The following KLRF1 variants were observed in gnomAD, a reference collection of about 807,000 sequenced individuals.
KLRF1 encodes the protein killer cell lectin like receptor F1.
In KLRF1, 27 loss-of-function variants were observed where a neutral mutation model predicts 30.7. That is an observed-to-expected ratio of 0.88 (90% confidence interval 0.65 to 1.21). The LOEUF is 1.21. KLRF1 is among the 50% of genes most tolerant of loss of function. KLRF1 has a pLI of 0.00. For synonymous variants in KLRF1, 92 were observed against 89.3 expected, an observed-to-expected ratio of 1.03 and a Z score of -0.17; for missense variants, 246 against 259.3, an observed-to-expected ratio of 0.95 and a Z score of 0.35.
chr12:9,820,981 C>G, the KLRF1 span, among the ~76,000 whole-genome samples: 11 of 152,134 alleles, frequency 7.2e-5, no homozygotes. Flanking sequence ...GCTGACCATA[C>G]CCACTGGTAG....
chr12:9,810,521 CCAAA>C, the KLRF1 span, among the ~76,000 whole-genome samples: 2 of 152,162 alleles, frequency 1.3e-5, no homozygotes, highest in Admixed American at 1.3e-4. Flanking sequence ...AATAGACTCC[CCAAA>C]CAGTGTCTGA....
rs1208809788 is a variant in KLRF1, at chr12:9,842,306, T to C, written c.475-15T>C. Reference sequence around the variant, plus strand: ...TAAAATATTTTGTTCATTTAGTCCCTCGTCCACATTTTAGGCTTTTATACA... The same window carrying C: ...TAAAATATTTTGTTCATTTAGTCCCCCGTCCACATTTTAGGCTTTTATACA... On this transcript the variant is annotated splice_polypyrimidine_tract_variant and intron_variant, in intron 4 of 5. Transcript: ENST00000617889. 5 of 1,609,026 alleles carry C rather than the reference T, an allele frequency of 3.1e-6. No individual in the cohort carries two copies. The highest frequency in any genetic ancestry group is 2.7e-5 in the African/African-American group (2 of 74,726).
chr12:9,809,845 T>G, the KLRF1 span, among the ~76,000 whole-genome samples: 1 of 152,192 alleles, frequency 6.6e-6, no homozygotes, highest in Non-Finnish European at 1.5e-5. Flanking sequence ...TTATTTGATG[T>G]AAAACTACTG....
At chr12:9,810,758 G>A in the KLRF1 span, among the ~76,000 whole-genome samples, 1 of 152,198 alleles carries the variant, frequency 6.6e-6, no homozygotes, top group Admixed American at 6.5e-5. Context: ...GAGTTTATGA[G>A]TGTTCAGAGA....
At chr12:9,830,871 A>C (rs1049673802) in intron 1 of KLRF1, among the ~76,000 whole-genome samples, 2 of 152,012 alleles carry the variant, frequency 1.3e-5, no homozygotes, top group African/African-American at 2.4e-5. Flanking sequence ...TTATAAGTTA[A>C]ATTAAACCAT....
chr12:9,832,124 G>A (rs1411686721), intron 1 of KLRF1, among the ~76,000 whole-genome samples, 192 bp from the exon 2 acceptor site: 2 of 152,102 alleles, frequency 1.3e-5, no homozygotes, highest in Non-Finnish European at 2.9e-5. Context: ...CATAGCTTCT[G>A]ACCATCCAGA....
At chr12:9,809,486 T>C in the KLRF1 span, among the ~76,000 whole-genome samples, 1 of 152,144 alleles carries the variant, frequency 6.6e-6, no homozygotes, top group Non-Finnish European at 1.5e-5. Flanking sequence ...GTAACTTAAG[T>C]ATTATTTCCA....
chr12:9,827,766 CCT>C, intron 1 of KLRF1, 137 bp downstream of exon 1: 2 of 485,352 alleles, frequency 4.1e-6, no homozygotes, highest in Non-Finnish European at 7.3e-6. Context: ...TCTCACCTGT[CCT>C]CTCTTTCAAT....
chr12:9,827,353 A>G, upstream of KLRF1: 1 of 360,814 alleles, frequency 2.8e-6, no homozygotes, highest in Non-Finnish European at 5.0e-6. Context: ...TGGGAAAGCA[A>G]CTTTTAAAAA....
chr12:9,807,642 T>C, the KLRF1 span, among the ~76,000 whole-genome samples: 1 of 152,270 alleles, frequency 6.6e-6, no homozygotes, highest in South Asian at 2.1e-4. Flanking sequence ...CTAATATTTG[T>C]TTATTCCTGT....
At chr12:9,811,319 C>CAAAAAAAA in the KLRF1 span, among the ~76,000 whole-genome samples, 3,439 of 59,088 alleles carry the variant, frequency 0.058, 173 homozygotes, top group African/African-American at 0.1. Flanking sequence ...AGAAGTAGTC[C>CAAAAAAAA]AAAAAAAAAA....
At position 9,833,440 on chromosome 12, in the gene KLRF1, G is replaced by A. The variant is rs1175854055; in HGVS notation, c.322G>A (p.Ala108Thr). Residue 108 changes from alanine to threonine, a missense_variant, in exon 3 of 6, where the codon GCA becomes ACA. By Grantham distance (58) the Ala-to-Thr change is moderately conservative. Coordinates refer to ENST00000617889, the MANE Select transcript of KLRF1 (RefSeq NM_016523.3). ...SNKDLCASRS[A>T]DQTVLCQSEW... ...TAAGGACCTTTGTGCTTCGAGATCT[G>A]CAGACCAGACAGGTATGTCTCAAGG... The A allele has an allele frequency of 1.9e-6, 3 of 1,606,330 alleles. No individual in the cohort carries two copies. The highest frequency in any genetic ancestry group is 2.5e-6 in the Non-Finnish European group (3 of 1,176,688).
chr12:9,815,953 G>A, the KLRF1 span, among the ~76,000 whole-genome samples: 2 of 152,216 alleles, frequency 1.3e-5, no homozygotes, highest in South Asian at 2.1e-4. Context: ...TGAATAGCTG[G>A]GATTACAGGC....
intron 3 of KLRF1, among the ~76,000 whole-genome samples, chr12:9,835,544 G>T (rs2121217649): frequency 6.6e-6 from 1 of 152,238 alleles, no homozygotes; most frequent in East Asian, 1.9e-4. Context: ...GGTAGCCGAG[G>T]ATGGAGTGAA....
At chr12:9,810,107 G>C in the KLRF1 span, among the ~76,000 whole-genome samples, 9 of 152,064 alleles carry the variant, frequency 5.9e-5, no homozygotes, top group Non-Finnish European at 1.0e-4. Context: ...CAAGCTTGAG[G>C]GTTTTTATCT....
At chr12:9,802,067 A>C in the KLRF1 span, among the ~76,000 whole-genome samples, 3 of 152,082 alleles carry the variant, frequency 2.0e-5, no homozygotes, top group African/African-American at 7.2e-5. Flanking sequence ...TCCCTGATGA[A>C]CATCAATGCA....
At chr12:9,810,999 A>G in the KLRF1 span, among the ~76,000 whole-genome samples, 22 of 152,268 alleles carry the variant, frequency 1.4e-4, no homozygotes, top group East Asian at 3.5e-3. Flanking sequence ...AGATGTGTAG[A>G]TTAAGCCACA....
chr12:9,833,559 T>G (rs182199647), intron 3 of KLRF1, 107 bp downstream of exon 3: 1 of 970,940 alleles, frequency 1.0e-6, no homozygotes, highest in Admixed American at 3.1e-5. Flanking sequence ...AGTAAAAGTT[T>G]GGTATAAGTC....
the KLRF1 span, among the ~76,000 whole-genome samples, chr12:9,822,374 T>C: frequency 6.6e-6 from 1 of 152,102 alleles, no homozygotes; most frequent in East Asian, 1.9e-4. Flanking sequence ...CACAATACAA[T>C]TCCAAGTATT....
Sources: gnomAD v4.1 joint callset for allele counts (sites outside exome capture counted in the v4.1 genomes callset) on GRCh38, gnomAD v4.1.1 for gene constraint, MANE v1.5 for transcripts, NCBI Gene and HGNC (gene_info 2026-07-23, HGNC 2026-07-21) for gene names.